The following CACNA2D3 variants were observed in gnomAD, a reference collection of about 807,000 sequenced individuals.
The protein encoded by CACNA2D3 is voltage-dependent calcium channel subunit alpha-2/delta-3.
CACNA2D3 carries 60 observed loss-of-function variants against 160.6 expected under a neutral mutation model. That is an observed-to-expected ratio of 0.37 (90% CI 0.30 to 0.46). CACNA2D3 has a LOEUF of 0.46. Among genes scored for constraint, CACNA2D3 ranks in the 20% least tolerant of loss-of-function variants. The probability of loss-of-function intolerance (pLI) is 1.00; values close to 1 mark genes in which losing one functional copy is unlikely to be tolerated. For missense variants in CACNA2D3, 1,205 were observed against 1,365.0 expected (o/e 0.88, Z 1.85); for synonymous variants, 558 against 492.9 (o/e 1.13, Z -1.75).
Position 54,838,736 on chromosome 3 carries a change from G to A in CACNA2D3, c.1551+88G>A. The A allele has an allele frequency of 3.0e-6, 3 of 994,008 alleles. No individual in the cohort carries two copies. In the South Asian group the frequency reaches 3.9e-5, roughly 13 times the overall value. 61.6% of individuals were successfully genotyped at this position (994,008 alleles called of 1,614,324 possible). A position where few individuals can be genotyped will look rare whatever the true frequency, so the allele number is the denominator to read the frequency against. On this transcript the variant is annotated intron_variant, in intron 16 of 37. Transcript: ENST00000474759. The stretch of plus-strand genomic sequence containing the variant: ...AAGTTCAGGCTTCAAACTCTACTTT[G>A]GAGCGATGTTTTTGCTCACCACTAT...
chr3:54,790,476 G>A (rs1702731244), intron 13 of CACNA2D3, among the ~76,000 whole-genome samples: 1 of 152,214 alleles, frequency 6.6e-6, no homozygotes, highest in East Asian at 1.9e-4. Context: ...ATGGGGGTAA[G>A]GGTATATGTG....
chr3:54,957,008 G>A (rs894494939), intron 27 of CACNA2D3, among the ~76,000 whole-genome samples: 2 of 152,146 alleles, frequency 1.3e-5, no homozygotes, highest in African/African-American at 4.8e-5. Context: ...TATCAAGTTT[G>A]CAGGATGTTA....
intron 13 of CACNA2D3, among the ~76,000 whole-genome samples, chr3:54,811,790 C>A (rs1249183080): frequency 6.6e-6 from 1 of 152,148 alleles, no homozygotes; most frequent in Non-Finnish European, 1.5e-5. Flanking sequence ...CATGAGCCAC[C>A]ATGCCCGGCC....
chr3:54,886,528 A>G (rs559657951), intron 23 of CACNA2D3, among the ~76,000 whole-genome samples: 37 of 148,662 alleles, frequency 2.5e-4, no homozygotes, highest in African/African-American at 7.9e-4. Flanking sequence ...TTTTTAAGGA[A>G]TGAGACATTA....
chr3:54,626,706 A>AAAAG (rs1454832699), intron 9 of CACNA2D3: 125 of 705,792 alleles, frequency 1.8e-4, no homozygotes, highest in South Asian at 4.9e-4. Flanking sequence ...AAAAAAAAAA[A>AAAAG]AAAGAAAGAA....
intron 13 of CACNA2D3, among the ~76,000 whole-genome samples, chr3:54,813,409 A>G (rs1179676752): frequency 1.3e-5 from 2 of 152,078 alleles, no homozygotes; most frequent in African/African-American, 4.8e-5. Flanking sequence ...GGTTTTATGC[A>G]TATCCAGGGG....
At chr3:54,976,888 A>C (rs998779841) in intron 29 of CACNA2D3, among the ~76,000 whole-genome samples, 1 of 152,208 alleles carries the variant, frequency 6.6e-6, no homozygotes, top group African/African-American at 2.4e-5. Context: ...GGCTGTTATA[A>C]GGAGCATTAT....
At chr3:54,501,877 T>G (rs1220691798) in intron 4 of CACNA2D3, among the ~76,000 whole-genome samples, 1 of 152,204 alleles carries the variant, frequency 6.6e-6, no homozygotes, top group Non-Finnish European at 1.5e-5. Context: ...CCTTTACTTG[T>G]GAAGGGTAAT....
At chr3:54,640,504 C>T (rs760346203) in intron 10 of CACNA2D3, among the ~76,000 whole-genome samples, 5 of 152,134 alleles carry the variant, frequency 3.3e-5, no homozygotes, top group Non-Finnish European at 5.9e-5. Context: ...GCTCTGGCAA[C>T]CATATTCAGT....
intron 27 of CACNA2D3, among the ~76,000 whole-genome samples, chr3:54,950,178 G>A (rs775861862): frequency 2.0e-5 from 3 of 152,216 alleles, no homozygotes; most frequent in African/African-American, 4.8e-5. Context: ...CCATACAGCC[G>A]AGGTAGCTTT....
intron 3 of CACNA2D3, among the ~76,000 whole-genome samples, chr3:54,358,834 G>C (rs1698695169): frequency 6.6e-6 from 1 of 152,200 alleles, no homozygotes; most frequent in Non-Finnish European, 1.5e-5. Context: ...AAAAGTCCGG[G>C]AAGCAAATAG....
chr3:55,016,415 G>A lies in CACNA2D3; in HGVS notation c.2876-1791G>A, dbSNP rs193029841. Among the ~76,000 whole-genome samples, 5 of 152,332 alleles carry A rather than the reference G, an allele frequency of 3.3e-5. No homozygotes were observed. In the East Asian group the frequency reaches 9.7e-4, roughly 29 times the overall value. ...CCCATTTAGCAGACGAGGACACTAA[G>A]ATGTAAAATGGTTAAAAGCTTACCT... On this transcript the variant is annotated intron_variant, in intron 34 of 37. Coordinates refer to ENST00000474759, the MANE Select transcript of CACNA2D3 (RefSeq NM_018398.3).
intron 2 of CACNA2D3, among the ~76,000 whole-genome samples, chr3:54,319,199 C>CAT (rs1553621064): frequency 0.029 from 4,380 of 149,224 alleles, 85 homozygotes; most frequent in Middle Eastern, 0.069. Context: ...CACACACACA[C>CAT]ACCCTTCCTC....
intron 4 of CACNA2D3, among the ~76,000 whole-genome samples, chr3:54,400,184 C>G (rs997577747): frequency 1.4e-5 from 2 of 147,166 alleles, no homozygotes; most frequent in Admixed American, 6.8e-5. Context: ...CACACACTGG[C>G]CTGCGCCCAC....
intron 11 of CACNA2D3, among the ~76,000 whole-genome samples, chr3:54,689,590 C>T (rs1397827603): frequency 3.3e-5 from 5 of 152,068 alleles, no homozygotes; most frequent in South Asian, 2.1e-4. Context: ...CCAGTGTGTT[C>T]GAGAGCAAAA....
chr3:54,830,644 G>A (rs148469987), intron 14 of CACNA2D3, among the ~76,000 whole-genome samples: 31 of 152,034 alleles, frequency 2.0e-4, no homozygotes, highest in Middle Eastern at 3.4e-3. Context: ...TAGTGCAGAC[G>A]GGTTTTCGCC....
chr3:54,890,302 C>T (rs2106864979), intron 24 of CACNA2D3, among the ~76,000 whole-genome samples: 1 of 152,134 alleles, frequency 6.6e-6, no homozygotes, highest in South Asian at 2.1e-4. Flanking sequence ...CGAGACCATC[C>T]TGGCTAACAC....
intron 2 of CACNA2D3, among the ~76,000 whole-genome samples, chr3:54,267,859 T>C (rs935453817): frequency 2.0e-5 from 3 of 152,226 alleles, no homozygotes; most frequent in Non-Finnish European, 2.9e-5. Context: ...TTTTCAGGGA[T>C]TTGCAATTCA....
chr3:54,316,711 G>T (rs1283589919), intron 2 of CACNA2D3, among the ~76,000 whole-genome samples: 1 of 152,154 alleles, frequency 6.6e-6, no homozygotes, highest in Non-Finnish European at 1.5e-5. Flanking sequence ...CTGACAACCT[G>T]CCGTAAAGCC....
Sources: allele counts gnomAD v4.1 joint callset (sites outside exome capture counted in the v4.1 genomes callset), GRCh38; gene constraint gnomAD v4.1.1; transcripts MANE v1.5; gene names NCBI Gene and HGNC (gene_info 2026-07-23, HGNC 2026-07-21).